Variants in FAM186B observed in about 807,000 individuals in gnomAD.
FAM186B encodes the protein protein FAM186B.
A neutral mutation model predicts 83.4 loss-of-function variants in FAM186B; 68 were observed. The ratio of observed to expected loss-of-function variants is 0.81; its 90% confidence interval spans 0.67 to 1.00. The LOEUF (loss-of-function observed/expected upper bound fraction) is 1.00. Ranked by LOEUF, FAM186B falls within the 50% of genes least tolerant of loss-of-function variation. FAM186B has a pLI of 0.00. For synonymous variants in FAM186B, 389 were observed against 422.0 expected (o/e 0.92, Z 0.96); for missense variants, 983 against 1,099.2 (o/e 0.89, Z 1.49).
chr12:49,601,099 T>C lies in FAM186B; in HGVS notation c.541A>G (p.Arg181Gly). ...TGGGATGGAGATGTCTGTGGGCTTC[T>C]TCCCTGCCAGCCCTGCCAGAAGGTG... ...KRTFWQGWQG[R>G]SPQTSPSHPQ... Residue 181 changes from arginine (R) to glycine (G), a missense_variant, in exon 4 of 7, where the codon AGA becomes GGA. By Grantham distance (125) the Arg-to-Gly change is moderately radical (BLOSUM62 -2). Coordinates refer to ENST00000257894, the MANE Select transcript of FAM186B (RefSeq NM_032130.3). 6.3e-7 allele frequency: 1 copy of C among 1,583,396 alleles called. No homozygotes were observed.
the FAM186B span, among the ~76,000 whole-genome samples, chr12:49,612,697 T>C: frequency 6.6e-6 from 1 of 152,140 alleles, no homozygotes; most frequent in Non-Finnish European, 1.5e-5. Flanking sequence ...TCTAAATATA[T>C]ATATGCACAC....
At chr12:49,622,557 G>C in the FAM186B span, 1 of 152,186 alleles carries the variant, frequency 6.6e-6, no homozygotes, top group Non-Finnish European at 1.5e-5. Flanking sequence ...GACCATGTGG[G>C]TATCATTTTG....
chr12:49,606,095 T>C (rs548850523), upstream of FAM186B, among the ~76,000 whole-genome samples: 2 of 152,134 alleles, frequency 1.3e-5, no homozygotes, highest in African/African-American at 4.8e-5. Context: ...CTAAATGTTA[T>C]GCTCCCAAAC....
chr12:49,605,384 C>A lies in FAM186B; in HGVS notation c.94G>T (p.Glu32Ter). ...IEAAQLTRAQ[E>*]DISTQLSDIL... ...GATTCCTTCATCTCAGGGGCTACCT[C>A]TTGAGCCCGAGTTAGCTGGGCAGCC... Residue 32 changes from glutamate to a stop codon, truncating the protein, a stop_gained and splice_region_variant, in exon 1 of 7, where the codon GAG (glutamate) becomes TAG (stop). Coordinates refer to ENST00000257894, the MANE Select transcript of FAM186B (RefSeq NM_032130.3). LOFTEE classifies it high-confidence loss of function. 1 of 1,612,304 alleles carries A rather than the reference C, an allele frequency of 6.2e-7. No homozygotes were observed. The highest frequency in any genetic ancestry group is 8.5e-7 in the Non-Finnish European group (1 of 1,179,346).
downstream of FAM186B, among the ~76,000 whole-genome samples, chr12:49,586,365 C>T (rs1445558559): frequency 6.6e-6 from 1 of 152,080 alleles, no homozygotes; most frequent in Non-Finnish European, 1.5e-5. Context: ...CAAAATGAAT[C>T]CCGTTTCTCA....
chr12:49,584,036 A>G, downstream of FAM186B: 1 of 160,528 alleles, frequency 6.2e-6, no homozygotes, highest in Non-Finnish European at 1.4e-5. Flanking sequence ...CCACCTTATG[A>G]CACCTGGCTC....
At chr12:49,612,717 G>T in the FAM186B span, among the ~76,000 whole-genome samples, 4 of 152,030 alleles carry the variant, frequency 2.6e-5, no homozygotes, top group Non-Finnish European at 5.9e-5. Flanking sequence ...CAACATTGGA[G>T]CACTTAGATT....
chr12:49,585,127 T>C (rs577518331), downstream of FAM186B, among the ~76,000 whole-genome samples: 1 of 152,316 alleles, frequency 6.6e-6, no homozygotes, highest in African/African-American at 2.4e-5. Context: ...CACACCACTC[T>C]CCTGCCTCAG....
At chr12:49,595,521 G>T in intron 5 of FAM186B, 1 of 461,914 alleles carries the variant, frequency 2.2e-6, no homozygotes, top group East Asian at 5.4e-5. Context: ...ACAAAATGAT[G>T]AATGGAAGCC....
upstream of FAM186B, among the ~76,000 whole-genome samples, chr12:49,610,517 G>A (rs914920042): frequency 2.0e-5 from 3 of 152,196 alleles, no homozygotes; most frequent in Non-Finnish European, 2.9e-5. Context: ...CAGGCTGGGC[G>A]TGGTGGCTCA....
chr12:49,619,456 A>G, the FAM186B span: 1 of 609,758 alleles, frequency 1.6e-6, no homozygotes, highest in Non-Finnish European at 3.0e-6. Flanking sequence ...CAATTGTTGC[A>G]TATGTATTAT....
chr12:49,582,991 G>A (rs996458275), downstream of FAM186B: 4 of 452,430 alleles, frequency 8.8e-6, no homozygotes, highest in African/African-American at 8.0e-5. Flanking sequence ...AGCAGGAGAA[G>A]AATGTCAGAC....
the FAM186B span, among the ~76,000 whole-genome samples, chr12:49,622,208 C>T: frequency 6.7e-6 from 1 of 149,216 alleles, no homozygotes; most frequent in Non-Finnish European, 1.5e-5. Flanking sequence ...GTCCTCCTCC[C>T]CCCGCCCGCC....
intron 5 of FAM186B, among the ~76,000 whole-genome samples, chr12:49,593,632 CAAAAA>C (rs34152009): frequency 1.2e-5 from 1 of 86,388 alleles, no homozygotes; most frequent in African/African-American, 4.0e-5. Flanking sequence ...GACTCCATCT[CAAAAA>C]AAAAAAAAAG....
chr12:49,587,700 TGGA>T lies in FAM186B; in HGVS notation c.2584_2586del (p.Ser863del). 2 of 1,614,106 alleles carry T rather than the reference TGGA, an allele frequency of 1.2e-6. No homozygotes were observed. The highest frequency in any genetic ancestry group is 1.7e-6 in the Non-Finnish European group (2 of 1,180,008). ...GGGGTCTTTTTTTCTATTGCGTAAC[TGGA>T]GGAGGCCACCTCGGTCTTCCAGACA... On this transcript the variant is annotated inframe_deletion, in exon 7 of 7. Coordinates refer to ENST00000257894, the MANE Select transcript of FAM186B (RefSeq NM_032130.3).
At position 49,600,323 on chromosome 12, in the gene FAM186B, G is replaced by A; in HGVS notation, c.1317C>T (p.His439=). 6.2e-7 allele frequency: 1 copy of A among 1,614,142 alleles called. No homozygotes were observed. The highest frequency in any genetic ancestry group is 8.5e-7 in the Non-Finnish European group (1 of 1,180,010). Residue 439 remains histidine, a synonymous_variant, in exon 4 of 7, where the codon CAC becomes CAT. Coordinates refer to ENST00000257894, the MANE Select transcript of FAM186B (RefSeq NM_032130.3). This position sits in a 1 kb window ranked among gnomAD's most constrained non-coding sequence, Gnocchi z 4.3. ...WERPVAESLG[H]KDKDQEDYFQ... is the part of the protein sequence containing the mutation. ...AGTAGTCCTCCTGGTCTTTGTCTTT[G>A]TGGCCTAAGCTTTCTGCCACCGGTC...
chr12:49,600,539 C>A lies in FAM186B; in HGVS notation c.1101G>T (p.Leu367Phe). The change falls in exon 4 of 7, where the codon TTG becomes TTT. Residue 367 changes from leucine to phenylalanine, a missense_variant. Coordinates refer to ENST00000257894, the MANE Select transcript of FAM186B (RefSeq NM_032130.3). The surrounding 1 kb of genome is among the most constrained non-coding windows in gnomAD (Gnocchi z 4.3). ...SQQEPMKEEQ[L>F]FSPLPPSPMA... Reference sequence around the variant, plus strand: ...TGGGACTTGGGGGAAGTGGCGAGAACAACTGCTCCTCCTTCATCGGTTCCT... The same window carrying A: ...TGGGACTTGGGGGAAGTGGCGAGAAAAACTGCTCCTCCTTCATCGGTTCCT... 1.2e-6 allele frequency: 2 copies of A among 1,613,928 alleles called. No homozygotes were observed. The highest frequency in any genetic ancestry group is 1.7e-6 in the Non-Finnish European group (2 of 1,179,954).
At chr12:49,593,932 T>C (rs900956111) in intron 5 of FAM186B, among the ~76,000 whole-genome samples, 1 of 152,154 alleles carries the variant, frequency 6.6e-6, no homozygotes, top group African/African-American at 2.4e-5. Flanking sequence ...TAAATAGACA[T>C]AACTGGAGAT....
rs370085675 is a variant in FAM186B, at chr12:49,603,351, A to G, written c.339T>C (p.Tyr113=). The G allele has an allele frequency of 9.2e-5, 148 of 1,613,980 alleles. No homozygotes were observed. The highest frequency in any genetic ancestry group is 1.1e-4 in the Non-Finnish European group (132 of 1,180,020). The part of the protein sequence containing the change: ...WLGDWGDTLT[Y]EIGPRKSEEE... Reference sequence around the variant, plus strand: ...CTTCACTCTTCCTGGGCCCAATCTCATAGGTCAGAGTGTCACCTGGAGAAG... The same window carrying G: ...CTTCACTCTTCCTGGGCCCAATCTCGTAGGTCAGAGTGTCACCTGGAGAAG... Residue 113 remains tyrosine (Y), a synonymous_variant, in exon 3 of 7, where the codon TAT becomes TAC. Transcript: ENST00000257894.
Sources: gnomAD v4.1 joint callset for allele counts (sites outside exome capture counted in the v4.1 genomes callset) on GRCh38, gnomAD v4.1.1 for gene constraint, Gnocchi (gnomAD v3.1) non-coding constraint, MANE v1.5 for transcripts, NCBI Gene and HGNC (gene_info 2026-07-23, HGNC 2026-07-21) for gene names.